Variants in METTL15 observed in about 807,000 individuals in gnomAD.
METTL15 encodes the protein methyltransferase 15, mitochondrial 12S rRNA N4-cytidine.
Under a neutral mutation model 38.3 loss-of-function variants are expected in METTL15, and 34 were observed. The ratio of observed to expected loss-of-function variants is 0.89; its 90% CI spans 0.68 to 1.18. The LOEUF (loss-of-function observed/expected upper bound fraction) is 1.18. METTL15 is among the 50% of genes most tolerant of loss of function. The probability of loss-of-function intolerance (pLI) is 0.00; values close to 1 mark genes in which losing one functional copy is unlikely to be tolerated. For missense variants in METTL15, 438 were observed against 498.4 expected (o/e 0.88, Z 1.15); for synonymous variants, 162 against 170.9 (o/e 0.95, Z 0.41).
chr11:28,419,178 T>G (rs917158476), intron 5 of METTL15, among the ~76,000 whole-genome samples: 6 of 152,344 alleles, frequency 3.9e-5, no homozygotes, highest in Middle Eastern at 3.4e-3. Context: ...CAGCAAGTGT[T>G]GGGCAATACC....
intron 5 of METTL15, among the ~76,000 whole-genome samples, chr11:28,415,678 T>C (rs948890629): frequency 1.3e-5 from 2 of 152,204 alleles, no homozygotes; most frequent in East Asian, 1.9e-4. Flanking sequence ...ATAGAAGCTA[T>C]AGTTGATACT....
At chr11:28,397,443 C>T (rs1030386815) in intron 5 of METTL15, among the ~76,000 whole-genome samples, 5 of 152,176 alleles carry the variant, frequency 3.3e-5, no homozygotes, top group Non-Finnish European at 7.3e-5. Context: ...TGAACAGATA[C>T]TTCTCAAAAG....
At chr11:28,430,578 G>A (rs1476306649) in intron 6 of METTL15, among the ~76,000 whole-genome samples, 2 of 39,310 alleles carry the variant, frequency 5.1e-5, no homozygotes, top group African/African-American at 9.5e-5. Context: ...CTGGCCAGCC[G>A]CCCCGTCCGG....
At chr11:28,340,814 T>A (rs1849945044) in intron 3 of METTL15, among the ~76,000 whole-genome samples, 1 of 152,102 alleles carries the variant, frequency 6.6e-6, no homozygotes, top group Non-Finnish European at 1.5e-5. Context: ...AGCAATCCCA[T>A]CACTAGGTGT....
Position 28,122,333 on chromosome 11 carries a change from A to ATGTGTG in METTL15, c.270+8763_270+8768dup, listed in dbSNP as rs61147516. On this transcript the variant is annotated intron_variant, in intron 3 of 6. Transcript: ENST00000407364. ...AATCCTAGTATATAGATGTGTGTAT[A>ATGTGTG]TGTGTGTGTGTGTGTGTGTGTGTGT... 4.6e-3 allele frequency among the ~76,000 whole-genome samples: 519 copies of ATGTGTG among 112,058 alleles called. 6 individuals carry two copies. The highest frequency in any genetic ancestry group is 0.015 in the Middle Eastern group (3 of 200). The allele number at this position is 112,058 out of a possible 152,430, so 73.5% of individuals were successfully genotyped here.
chr11:28,282,634 C>G (rs368627234), intron 4 of METTL15, among the ~76,000 whole-genome samples: 2 of 152,262 alleles, frequency 1.3e-5, no homozygotes, highest in African/African-American at 4.8e-5. Flanking sequence ...AGGGCACAGT[C>G]AGAAACTTTA....
At chr11:28,182,816 GA>G (rs1288360142) in intron 3 of METTL15, among the ~76,000 whole-genome samples, 2 of 152,012 alleles carry the variant, frequency 1.3e-5, no homozygotes, top group African/African-American at 4.8e-5. Context: ...GCTTGATGGG[GA>G]TAGCATTGAA....
At chr11:28,122,247 A>C in intron 3 of METTL15, 3 of 1,086,342 alleles carry the variant, frequency 2.8e-6, no homozygotes, top group Non-Finnish European at 3.6e-6. Flanking sequence ...TGCTTTGTTC[A>C]TATCATGTTA....
intron 4 of METTL15, among the ~76,000 whole-genome samples, chr11:28,354,530 G>A (rs1850073661): frequency 6.6e-6 from 1 of 152,084 alleles, no homozygotes. Context: ...AGTCAGATAT[G>A]GCTAGAAAAG....
chr11:28,349,032 T>TATTAC (rs1203644516), intron 3 of METTL15, among the ~76,000 whole-genome samples: 1 of 152,222 alleles, frequency 6.6e-6, no homozygotes, highest in Non-Finnish European at 1.5e-5. Context: ...ACTGGAGTAC[T>TATTAC]ATTACTCTTA....
chr11:28,389,186 G>A (rs1590356840), intron 5 of METTL15, among the ~76,000 whole-genome samples: 1 of 151,404 alleles, frequency 6.6e-6, no homozygotes, highest in Non-Finnish European at 1.5e-5. Flanking sequence ...TAATCCTTTG[G>A]GTATATACCC....
chr11:28,135,544 T>C (rs1565116225), intron 3 of METTL15, among the ~76,000 whole-genome samples: 1 of 152,294 alleles, frequency 6.6e-6, no homozygotes, highest in East Asian at 1.9e-4. Context: ...CAAGGGGCTT[T>C]TATTGGCTCT....
At chr11:28,129,736 A>C (rs980771816) in intron 3 of METTL15, among the ~76,000 whole-genome samples, 1 of 152,138 alleles carries the variant, frequency 6.6e-6, no homozygotes, top group African/African-American at 2.4e-5. Context: ...TAAATATGCT[A>C]TAAAAGAACT....
chr11:28,450,100 A>G (rs1851107673), intron 6 of METTL15, among the ~76,000 whole-genome samples: 1 of 152,358 alleles, frequency 6.6e-6, no homozygotes, highest in Non-Finnish European at 1.5e-5. Flanking sequence ...TATTTTAGAA[A>G]TAAGATTTTA....
intron 2 of METTL15, among the ~76,000 whole-genome samples, chr11:28,112,011 A>G (rs1565098744): frequency 1.3e-5 from 2 of 152,080 alleles, no homozygotes; most frequent in East Asian, 1.9e-4. Context: ...AATTCTGCAG[A>G]TTATAGCTTT....
At chr11:28,192,595 G>C (rs1851738731) in intron 3 of METTL15, among the ~76,000 whole-genome samples, 1 of 151,982 alleles carries the variant, frequency 6.6e-6, no homozygotes, top group African/African-American at 2.4e-5. Flanking sequence ...TTTTGTAATA[G>C]TGGTTATACT....
intron 3 of METTL15, among the ~76,000 whole-genome samples, chr11:28,339,459 C>A (rs935528740): frequency 2.0e-5 from 3 of 148,752 alleles, no homozygotes; most frequent in Non-Finnish European, 3.0e-5. Context: ...TTAGACACAA[C>A]TAAAAATCAT....
chr11:28,310,917 G>GCTGCTGCTGCTGCTGCTGC (rs1565244277), intron 6 of METTL15, among the ~76,000 whole-genome samples: 9 of 55,314 alleles, frequency 1.6e-4, no homozygotes, highest in Non-Finnish European at 1.1e-4. Context: ...GCTGCTGCTG[G>GCTGCTGCTGCTGCTGCTGC]TGGTGGTGGT....
chr11:28,161,076 G>T (rs1590839145), intron 3 of METTL15, among the ~76,000 whole-genome samples: 1 of 148,672 alleles, frequency 6.7e-6, no homozygotes, highest in East Asian at 2.0e-4. Flanking sequence ...AATGAAAGAT[G>T]ACAGTGATAT....
Sources: gnomAD v4.1 joint callset for allele counts (sites outside exome capture counted in the v4.1 genomes callset) on GRCh38, gnomAD v4.1.1 for gene constraint, MANE v1.5 for transcripts, NCBI Gene and HGNC (gene_info 2026-07-23, HGNC 2026-07-21) for gene names.